Variants in NAALADL2 observed in about 807,000 individuals in gnomAD.
NAALADL2 encodes N-acetylated alpha-linked acidic dipeptidase like 2.
In NAALADL2, 76 loss-of-function variants were observed where a neutral mutation model predicts 87.2. The ratio of observed to expected loss-of-function variants is 0.87; its 90% CI spans 0.72 to 1.05. The LOEUF (loss-of-function observed/expected upper bound fraction) is 1.05. NAALADL2 is among the 50% of genes least tolerant of loss of function. The probability of loss-of-function intolerance (pLI) is 0.00; values close to 1 mark genes in which losing one functional copy is unlikely to be tolerated. For missense variants in NAALADL2, 1,089 were observed against 945.8 expected (o/e 1.15, Z -1.99); for synonymous variants, 354 against 331.0 (o/e 1.07, Z -0.75).
intron 13 of NAALADL2, among the ~76,000 whole-genome samples, chr3:175,801,738 T>C (rs7621528): frequency 0.015 from 2,327 of 152,226 alleles, 66 homozygotes; most frequent in African/African-American, 0.053. Context: ...GCCTCCCTTA[T>C]TAGACCACGA....
chr3:174,609,342 C>G (rs552239549), intron 2 of NAALADL2, among the ~76,000 whole-genome samples: 32 of 151,964 alleles, frequency 2.1e-4, no homozygotes, highest in South Asian at 4.1e-4. Flanking sequence ...GGAAATAAAG[C>G]GTATCCAATT....
intron 3 of NAALADL2, among the ~76,000 whole-genome samples, chr3:174,793,403 GATTA>G (rs1717695684): frequency 6.6e-6 from 1 of 152,036 alleles, no homozygotes; most frequent in Non-Finnish European, 1.5e-5. Flanking sequence ...ACATTATATT[GATTA>G]ATTAATTCAC....
chr3:174,802,993 A>G (rs1719018777), intron 3 of NAALADL2, among the ~76,000 whole-genome samples: 2 of 152,116 alleles, frequency 1.3e-5, no homozygotes, highest in Admixed American at 1.3e-4. Flanking sequence ...TTGGGTATAT[A>G]CCTAGTAATG....
At chr3:174,529,278 T>TC (rs1721033137) in intron 1 of NAALADL2, among the ~76,000 whole-genome samples, 1 of 152,202 alleles carries the variant, frequency 6.6e-6, no homozygotes, top group African/African-American at 2.4e-5. Flanking sequence ...GATCTTTGAC[T>TC]CCATGTCTCA....
intron 3 of NAALADL2, among the ~76,000 whole-genome samples, chr3:175,247,634 A>G (rs1210319698): frequency 3.3e-5 from 5 of 152,128 alleles, no homozygotes; most frequent in Admixed American, 6.6e-5. Context: ...CAGCTACATA[A>G]TTTGTAGACT....
At chr3:175,412,166 C>T (rs915060257) in intron 5 of NAALADL2, among the ~76,000 whole-genome samples, 4 of 152,296 alleles carry the variant, frequency 2.6e-5, no homozygotes, top group Non-Finnish European at 4.4e-5. Flanking sequence ...TCTAAGTTGA[C>T]GTCTCAACAA....
intron 2 of NAALADL2, among the ~76,000 whole-genome samples, chr3:174,617,980 G>A (rs1464235175): frequency 4.6e-5 from 7 of 151,728 alleles, no homozygotes; most frequent in Non-Finnish European, 8.9e-5. Context: ...GAGGTTAAAA[G>A]AAGAGGACAG....
At chr3:175,309,332 C>G (rs1758066735) in intron 4 of NAALADL2, among the ~76,000 whole-genome samples, 1 of 151,930 alleles carries the variant, frequency 6.6e-6, no homozygotes, top group Admixed American at 6.6e-5. Flanking sequence ...ATTACAGGCA[C>G]CCACCACCAT....
chr3:175,193,045 G>T (rs1001243042), intron 2 of NAALADL2, among the ~76,000 whole-genome samples: 1 of 151,642 alleles, frequency 6.6e-6, no homozygotes, highest in African/African-American at 2.4e-5. Flanking sequence ...AATGATAAAA[G>T]AATACTACTC....
intron 4 of NAALADL2, among the ~76,000 whole-genome samples, chr3:175,314,373 G>T (rs962200489): frequency 6.6e-6 from 1 of 150,636 alleles, no homozygotes; most frequent in South Asian, 2.1e-4. Context: ...TTCAAACTTC[G>T]TTGGGCTAGT....
chr3:175,450,607 T>C (rs1202486682), intron 6 of NAALADL2, among the ~76,000 whole-genome samples: 1 of 152,182 alleles, frequency 6.6e-6, no homozygotes, highest in Non-Finnish European at 1.5e-5. Context: ...ATTTCAGAAA[T>C]TGAGTCTTGG....
intron 11 of NAALADL2, among the ~76,000 whole-genome samples, chr3:175,736,341 G>C (rs1744503040): frequency 6.6e-6 from 1 of 152,136 alleles, no homozygotes; most frequent in African/African-American, 2.4e-5. Context: ...AATACTATTA[G>C]TTTTGATTCT....
At chr3:175,652,296 G>T (rs1021888705) in intron 11 of NAALADL2, among the ~76,000 whole-genome samples, 6 of 152,048 alleles carry the variant, frequency 3.9e-5, no homozygotes, top group Non-Finnish European at 8.8e-5. Context: ...CAGGATGAAT[G>T]AAATGTTTAA....
chr3:175,557,946 G>A (rs1715558495), intron 9 of NAALADL2, among the ~76,000 whole-genome samples: 1 of 152,058 alleles, frequency 6.6e-6, no homozygotes, highest in South Asian at 2.1e-4. Context: ...TGTAATCCCA[G>A]CACTTTGGGA....
At chr3:175,600,720 G>A in intron 10 of NAALADL2, among the ~76,000 whole-genome samples, 1 of 151,236 alleles carries the variant, frequency 6.6e-6, no homozygotes, top group African/African-American at 2.4e-5. Flanking sequence ...TGTATTTTTA[G>A]TAGAGACGGG....
chr3:175,671,256 T>C (rs1733971638), intron 11 of NAALADL2, among the ~76,000 whole-genome samples: 1 of 151,972 alleles, frequency 6.6e-6, no homozygotes, highest in Non-Finnish European at 1.5e-5. Flanking sequence ...TTTTTTGAAA[T>C]TAAAATAACC....
intron 2 of NAALADL2, among the ~76,000 whole-genome samples, chr3:175,106,534 A>AT (rs1723189403): frequency 6.6e-6 from 1 of 152,094 alleles, no homozygotes; most frequent in Non-Finnish European, 1.5e-5. Flanking sequence ...TTGTAGTACA[A>AT]GGGAATAACA....
chr3:174,619,042 A>G (rs892252792), intron 2 of NAALADL2, among the ~76,000 whole-genome samples: 12 of 151,918 alleles, frequency 7.9e-5, no homozygotes, highest in South Asian at 2.1e-4. Context: ...AGATGGTTCA[A>G]ATTAACATCA....
At chr3:175,455,819 T>A (rs73884406) in intron 6 of NAALADL2, among the ~76,000 whole-genome samples, 2,160 of 152,116 alleles carry the variant, frequency 0.014, 40 homozygotes, top group African/African-American at 0.048. Flanking sequence ...CAGATTCTAG[T>A]CACAGTGAGG....
Sources: gnomAD v4.1 joint callset for allele counts (sites outside exome capture counted in the v4.1 genomes callset) on GRCh38, gnomAD v4.1.1 for gene constraint, MANE v1.5 for transcripts, NCBI Gene and HGNC (gene_info 2026-07-23, HGNC 2026-07-21) for gene names.